ZDHHC11: variants seen among roughly 807,000 people sequenced by gnomAD.
ZDHHC11 encodes palmitoyltransferase ZDHHC11.
A neutral mutation model predicts 51.3 loss-of-function variants in ZDHHC11; 44 were observed. The ratio of observed to expected loss-of-function variants is 0.86; its 90% CI spans 0.67 to 1.10. The LOEUF (loss-of-function observed/expected upper bound fraction) is 1.10, where lower values mean the gene tolerates loss of function less well. Among genes scored for constraint, ZDHHC11 ranks in the 50% least tolerant of loss-of-function variants. The pLI is 0.00. For missense variants in ZDHHC11, 400 were observed against 537.7 expected, an observed-to-expected ratio of 0.74 and a Z score of 2.53; for synonymous variants, 163 against 222.0, an observed-to-expected ratio of 0.73 and a Z score of 2.36.
At chr5:800,979 C>A in intron 12 of ZDHHC11, 121 bp downstream of exon 12, 3 of 1,192,400 alleles carry the variant, frequency 2.5e-6, no homozygotes, top group Non-Finnish European at 3.6e-6. Context: ...CATCAAGAGA[C>A]AAACGACAAG....
In ZDHHC11 at chr5:837,360, G is replaced by A; in HGVS notation, c.900+5C>T. The A allele has an allele frequency of 3.7e-6, 6 of 1,613,710 alleles. No homozygotes were observed. Among genetic ancestry groups the A allele is most frequent in the African/African-American group, 1.3e-5 (1 of 74,972 alleles). On this transcript the variant is annotated splice_donor_5th_base_variant and intron_variant, in intron 6 of 12. Transcript: ENST00000283441. ...GGAGAAATGGAGCAGAGAGACAGGT[G>A]GTACCTGGAGAACTCCTTTGTCCAT...
Position 795,818 on chromosome 5 carries a change from C to G in ZDHHC11, c.*770G>C, listed in dbSNP as rs1057011. 29,288 of 151,102 alleles carry G rather than the reference C, an allele frequency of 0.19. 3,577 individuals are homozygous for G. The highest frequency in any genetic ancestry group is 0.39 in the African/African-American group (15,379 of 39,414). The allele number at this position is 151,102 out of a possible 1,614,324, so 9.4% of individuals were successfully genotyped here. ...TTCCCAGTACTATGCTCCCATTTCC[C>G]AGTACTGTGCTCCCATTTCCCAGTA... is the stretch of plus-strand genomic sequence containing the variant. On this transcript the variant is annotated 3_prime_UTR_variant, in exon 13 of 13. Coordinates refer to ENST00000283441, the MANE Select transcript of ZDHHC11 (RefSeq NM_024786.3).
In ZDHHC11 at chr5:827,432, G is replaced by C. The variant is rs1366705082; in HGVS notation, c.936-2181C>G. On this transcript the variant is annotated intron_variant, in intron 7 of 12. Coordinates refer to ENST00000283441, the MANE Select transcript of ZDHHC11 (RefSeq NM_024786.3). Reference sequence around the variant, plus strand: ...CTATAAGCACCTTCTAAAAAATACAGAGTGGAAGAATGGAGAAAAATCCAC... The same window carrying C: ...CTATAAGCACCTTCTAAAAAATACACAGTGGAAGAATGGAGAAAAATCCAC... 9.3e-5 allele frequency among the ~76,000 whole-genome samples: 14 copies of C among 151,320 alleles called. 2 individuals carry two copies. The highest frequency in any genetic ancestry group is 1.9e-4 in the Non-Finnish European group (13 of 67,788).
At chr5:818,585 ACAGTGGCTCATGC>A (rs1741141651) in intron 10 of ZDHHC11, among the ~76,000 whole-genome samples, 2 of 151,804 alleles carry the variant, frequency 1.3e-5, no homozygotes, top group South Asian at 4.2e-4. Context: ...ACAGCCTAGT[ACAGTGGCTCATGC>A]CTGTAATCGC....
At position 819,542 on chromosome 5, in the gene ZDHHC11, C is replaced by G. The variant is rs148805710; in HGVS notation, c.1129G>C (p.Gly377Arg). 42 of 1,609,786 alleles carry G rather than the reference C, an allele frequency of 2.6e-5. 1 individual carries two copies. The African/African-American group carries it at 4.5e-4, about 17-fold the overall frequency. The change falls in exon 10 of 13, where the codon GGG becomes CGG. Residue 377 changes from glycine to arginine, a missense_variant. Physicochemically the swap from Gly to Arg is moderately radical, Grantham distance 125 (BLOSUM62 -2). Around this residue, in one of 5 missense-constraint regions of ZDHHC11, gnomAD observed 231 missense variants for 227.4 expected, o/e 1.02. Transcript: ENST00000283441. ...CQFSTRVHPD[G>R]GSMAQEADDA... The stretch of plus-strand genomic sequence containing the variant: ...CAACTTACCTGTGCCATCGAGCCCC[C>G]GTCTGGGTGTACACGAGTGGAGAAC...
At chr5:838,357 T>C (rs1421629206) in intron 5 of ZDHHC11, among the ~76,000 whole-genome samples, 2 of 152,060 alleles carry the variant, frequency 1.3e-5, no homozygotes, top group Admixed American at 1.3e-4. Context: ...AAACTCTCCA[T>C]GCTTCTTTCC....
chr5:813,105 G>C (rs1241124960), intron 11 of ZDHHC11, among the ~76,000 whole-genome samples: 3 of 145,258 alleles, frequency 2.1e-5, no homozygotes, highest in Non-Finnish European at 3.0e-5. Flanking sequence ...AGGAGGCTGA[G>C]GCAGGCAAAT....
chr5:801,784 G>A (rs1333184110), intron 11 of ZDHHC11, among the ~76,000 whole-genome samples: 6 of 151,080 alleles, frequency 4.0e-5, no homozygotes, highest in African/African-American at 7.3e-5. Flanking sequence ...CCAGAAACAC[G>A]CAAAATTTTG....
At chr5:850,032 CA>C (rs1361464316) in intron 1 of ZDHHC11, among the ~76,000 whole-genome samples, 2 of 152,232 alleles carry the variant, frequency 1.3e-5, no homozygotes, top group Non-Finnish European at 1.5e-5. Flanking sequence ...TCCTTGGCAC[CA>C]GGGGCAAGGA....
At chr5:804,388 G>C (rs2434627) in intron 11 of ZDHHC11, among the ~76,000 whole-genome samples, 98,290 of 149,830 alleles carry the variant, frequency 0.66, 37,729 homozygotes, top group Non-Finnish European at 0.86. Context: ...TGAGAGTCTT[G>C]GAACGTATCC....
intron 11 of ZDHHC11, among the ~76,000 whole-genome samples, chr5:810,315 A>G (rs1184218056): frequency 6.7e-6 from 1 of 148,426 alleles, no homozygotes; most frequent in Non-Finnish European, 1.5e-5. Flanking sequence ...GGGTCTTCAC[A>G]CGCGAAATCC....
chr5:837,004 C>G (rs1293885352), intron 6 of ZDHHC11, among the ~76,000 whole-genome samples: 1 of 151,472 alleles, frequency 6.6e-6, no homozygotes, highest in East Asian at 1.9e-4. Flanking sequence ...CTACAATGAG[C>G]TGAGATTTCA....
rs375780266 is a variant in ZDHHC11 at position 798,375 on chromosome 5, A to G, written c.*8-1795T>C. On this transcript the variant is annotated intron_variant, in intron 12 of 12. Transcript: ENST00000283441. ...TCAGTTCATTAATGCCTTTAAGAAT[A>G]TTTACACTCGCACTCACATGGACAC... 2.6e-5 allele frequency among the ~76,000 whole-genome samples: 4 copies of G among 151,500 alleles called. No homozygotes were observed. The South Asian group carries it at 6.3e-4, about 24-fold the overall frequency.
chr5:803,328 TC>T (rs1452443677), intron 11 of ZDHHC11, among the ~76,000 whole-genome samples: 1 of 151,318 alleles, frequency 6.6e-6, no homozygotes, highest in African/African-American at 2.4e-5. Context: ...AGACAGACAT[TC>T]CCCCCTTGTT....
intron 11 of ZDHHC11, among the ~76,000 whole-genome samples, chr5:805,781 T>G (rs556488203): frequency 1.3e-5 from 2 of 151,318 alleles, no homozygotes; most frequent in South Asian, 2.1e-4. Context: ...AAAGCTGAAG[T>G]GCCTGTGGAC....
intron 11 of ZDHHC11, among the ~76,000 whole-genome samples, chr5:801,895 C>A (rs1163451044): frequency 6.6e-6 from 1 of 151,384 alleles, no homozygotes; most frequent in Non-Finnish European, 1.5e-5. Context: ...CTTCTCTGAT[C>A]CAATCCTTAA....
In ZDHHC11 at chr5:850,681, G is replaced by A. The variant is rs1229570591; in HGVS notation, c.-79C>T. ...CCCGCCCACTGTCACAGAGACCAAG[G>A]GGACTGGGAATGCAGCCGCCAGGAC... On this transcript the variant is annotated 5_prime_UTR_variant, in exon 1 of 13. Transcript: ENST00000283441. The A allele has an allele frequency of 1.0e-5, 16 of 1,551,700 alleles. No homozygotes were observed. The East Asian group carries it at 3.2e-4, about 31-fold the overall frequency.
chr5:807,745 A>C (rs1328432323), intron 11 of ZDHHC11, among the ~76,000 whole-genome samples: 1 of 152,090 alleles, frequency 6.6e-6, no homozygotes, highest in African/African-American at 2.4e-5. Flanking sequence ...AGTGGTTTAA[A>C]AACTTATGAG....
rs1466235841 is a variant in ZDHHC11, at chr5:820,788, A to G, written c.1058+1073T>C. Among the ~76,000 whole-genome samples the G allele has an allele frequency of 6.3e-4, 95 of 151,490 alleles. 3 individuals are homozygous for G. Among genetic ancestry groups the G allele is most frequent in the Non-Finnish European group, 4.4e-5 (3 of 67,722 alleles). On this transcript the variant is annotated intron_variant, in intron 9 of 12. Coordinates refer to ENST00000283441, the MANE Select transcript of ZDHHC11 (RefSeq NM_024786.3). ...AAAAATAAATGTGTAAGAATTGTCAAAAGTAAATGAAAAATGAAAAAATCT... is the reference window on the plus strand; with the variant it reads ...AAAAATAAATGTGTAAGAATTGTCAGAAGTAAATGAAAAATGAAAAAATCT...
Sources: gnomAD v4.1 joint callset for allele counts (sites outside exome capture counted in the v4.1 genomes callset) on GRCh38, gnomAD v4.1.1 for gene constraint, gnomAD v4.1.1 regional missense constraint, MANE v1.5 for transcripts, NCBI Gene and HGNC (gene_info 2026-07-23, HGNC 2026-07-21) for gene names.